The following CCL28 variants were observed in gnomAD, a reference collection of about 807,000 sequenced individuals.
CCL28 encodes the protein C-C motif chemokine ligand 28.
CCL28 carries 4 observed loss-of-function variants against 7.1 expected under a neutral mutation model. The ratio of observed to expected loss-of-function variants is 0.56; its 90% CI spans 0.28 to 1.29. CCL28 has a LOEUF of 1.29. Ranked by LOEUF, CCL28 falls within the 50% of genes most tolerant of loss-of-function variation. The probability of loss-of-function intolerance (pLI) is 0.11; values close to 1 mark genes in which losing one functional copy is unlikely to be tolerated. For missense variants in CCL28, 151 were observed against 163.4 expected (o/e 0.92, Z 0.41); for synonymous variants, 55 against 57.8 (o/e 0.95, Z 0.22).
chr5:43,398,446 AT>A lies in CCL28; in HGVS notation c.65-9971del, dbSNP rs1296429702. Among the ~76,000 whole-genome samples, 3 of 152,136 alleles carry A rather than the reference AT, an allele frequency of 2.0e-5. No individual in the cohort carries two copies. In the South Asian group the frequency reaches 6.2e-4, roughly 32 times the overall value. ...CACTTTGTGCCCAGGCAGAGCAGAC[AT>A]TTTTCTAACATTGTCTCATTGGACC... is the stretch of plus-strand genomic sequence containing the variant. On this transcript the variant is annotated intron_variant, in intron 1 of 2. Transcript: ENST00000361115.
At chr5:43,393,711 T>C (rs1384259146) in intron 1 of CCL28, among the ~76,000 whole-genome samples, 1 of 152,126 alleles carries the variant, frequency 6.6e-6, no homozygotes, top group Admixed American at 6.6e-5. Context: ...TCTTAATCTT[T>C]ACTTTTGGAT....
the CCL28 span, among the ~76,000 whole-genome samples, chr5:43,359,160 C>T: frequency 6.6e-6 from 1 of 152,094 alleles, no homozygotes; most frequent in Non-Finnish European, 1.5e-5. Context: ...GTTGTGGAGA[C>T]CCTAACCCAG....
chr5:43,372,967 A>G (rs1327959442), downstream of CCL28, among the ~76,000 whole-genome samples: 2 of 149,578 alleles, frequency 1.3e-5, no homozygotes, highest in African/African-American at 4.9e-5. Flanking sequence ...CGCCCGGCTA[A>G]TTTTTGTATT....
At position 43,412,228 on chromosome 5, in the gene CCL28, C is replaced by T. The variant is rs375809323; in HGVS notation, c.64+25G>A. ...AGATACCCCCCTTTCCAGTGAAGGC[C>T]TAAGTGTCCAGTGCCCCCACTCACC... On this transcript the variant is annotated intron_variant, in intron 1 of 2. Coordinates refer to ENST00000361115, the MANE Select transcript of CCL28 (RefSeq NM_148672.3). 3 of 1,598,886 alleles carry T rather than the reference C, an allele frequency of 1.9e-6. No homozygotes were observed. The African/African-American group carries it at 4.0e-5, about 21-fold the overall frequency.
At chr5:43,407,922 A>C (rs1054772817) in intron 1 of CCL28, among the ~76,000 whole-genome samples, 1 of 152,242 alleles carries the variant, frequency 6.6e-6, no homozygotes, top group Non-Finnish European at 1.5e-5. Context: ...GAGAAATGCA[A>C]ATCAAAACCA....
chr5:43,402,351 A>G (rs1409635621), intron 1 of CCL28, among the ~76,000 whole-genome samples: 1 of 152,202 alleles, frequency 6.6e-6, no homozygotes, highest in East Asian at 1.9e-4. Context: ...AATATTAATA[A>G]TAAATGAATA....
intron 1 of CCL28, among the ~76,000 whole-genome samples, chr5:43,399,835 G>A (rs1368276692): frequency 6.6e-6 from 1 of 150,930 alleles, no homozygotes; most frequent in Non-Finnish European, 1.5e-5. Flanking sequence ...TCTTATTATG[G>A]TGTTATTTCT....
Position 43,379,379 on chromosome 5 carries a change from ATTATATT to A in CCL28, c.*2474_*2480del, listed in dbSNP as rs1346958606. The A allele has an allele frequency of 6.6e-6, 1 of 152,150 alleles. No homozygotes were observed. Among genetic ancestry groups the A allele is most frequent in the African/African-American group, 2.4e-5 (1 of 41,440 alleles). 9.4% of individuals were successfully genotyped at this position (152,150 alleles called of 1,614,324 possible). On this transcript the variant is annotated 3_prime_UTR_variant, in exon 3 of 3. Transcript: ENST00000361115. ...TATTAATATTTTAAGTTACTCTCAT[ATTATATT>A]TTATTAATTTTTTCTTATTTAAAAA...
At chr5:43,405,013 C>A (rs1320875328) in intron 1 of CCL28, among the ~76,000 whole-genome samples, 3 of 152,082 alleles carry the variant, frequency 2.0e-5, no homozygotes, top group Non-Finnish European at 4.4e-5. Flanking sequence ...ATAAAGCAAG[C>A]TCTTAGAGAC....
rs1561154047 is a variant in CCL28, at chr5:43,381,700, T to C, written c.*160A>G. Reference sequence around the variant, plus strand: ...TTTCATTTTCCAGTTGAGTATATTATTGGCTACATTTGCATACCGCACAAT... The same window carrying C: ...TTTCATTTTCCAGTTGAGTATATTACTGGCTACATTTGCATACCGCACAAT... On this transcript the variant is annotated 3_prime_UTR_variant, in exon 3 of 3. Coordinates refer to ENST00000361115, the MANE Select transcript of CCL28 (RefSeq NM_148672.3). 1.6e-6 allele frequency: 1 copy of C among 622,502 alleles called. No homozygotes were observed. The highest frequency in any genetic ancestry group is 2.8e-6 in the Non-Finnish European group (1 of 351,806). The allele number at this position is 622,502 out of a possible 1,614,324, so 38.6% of individuals were successfully genotyped here. A position where few individuals can be genotyped will look rare whatever the true frequency, so the allele number is the denominator to read the frequency against.
chr5:43,400,541 T>C (rs954576224), intron 1 of CCL28, among the ~76,000 whole-genome samples: 7 of 152,030 alleles, frequency 4.6e-5, no homozygotes, highest in Admixed American at 4.6e-4. Flanking sequence ...CAGCTTCCTC[T>C]TACTTGGATG....
chr5:43,389,846 C>T (rs927052169), intron 1 of CCL28, among the ~76,000 whole-genome samples: 2 of 152,060 alleles, frequency 1.3e-5, no homozygotes, highest in African/African-American at 4.8e-5. Flanking sequence ...ATATAAGAGG[C>T]CAGGAAACAA....
In CCL28 at chr5:43,379,508, G is replaced by A. The variant is rs769995852; in HGVS notation, c.*2352C>T. ...TATAAAGTGGAAATATAAATACAAAGCTTGCAGAAATGTCAGGAAAATAAA... is the reference window on the plus strand; with the variant it reads ...TATAAAGTGGAAATATAAATACAAAACTTGCAGAAATGTCAGGAAAATAAA... On this transcript the variant is annotated 3_prime_UTR_variant, in exon 3 of 3. Transcript: ENST00000361115. 1 of 152,096 alleles carries A rather than the reference G, an allele frequency of 6.6e-6. No individual in the cohort carries two copies. The highest frequency in any genetic ancestry group is 1.5e-5 in the Non-Finnish European group (1 of 68,028). 9.4% of individuals were successfully genotyped at this position (152,096 alleles called of 1,614,324 possible). A position where few individuals can be genotyped will look rare whatever the true frequency, so the allele number is the denominator to read the frequency against.
At chr5:43,389,543 A>G (rs1740484097) in intron 1 of CCL28, among the ~76,000 whole-genome samples, 1 of 152,228 alleles carries the variant, frequency 6.6e-6, no homozygotes, top group Admixed American at 6.5e-5. Context: ...AATAGGAAAC[A>G]TACTTTCAGA....
the CCL28 span, among the ~76,000 whole-genome samples, chr5:43,358,327 A>G: frequency 1.3e-5 from 2 of 152,238 alleles, no homozygotes; most frequent in Non-Finnish European, 2.9e-5. Flanking sequence ...AATTGGCTTT[A>G]TAGACAGAAA....
At chr5:43,404,770 CAA>C (rs1741194780) in intron 1 of CCL28, among the ~76,000 whole-genome samples, 1 of 152,108 alleles carries the variant, frequency 6.6e-6, no homozygotes, top group African/African-American at 2.4e-5. Context: ...AGACCCATCT[CAA>C]GTGCAGGGAC....
chr5:43,401,162 T>C (rs547397618), intron 1 of CCL28, among the ~76,000 whole-genome samples: 3 of 152,250 alleles, frequency 2.0e-5, no homozygotes, highest in African/African-American at 7.2e-5. Context: ...TCCATTCTTG[T>C]GGACCTCACA....
the CCL28 span, among the ~76,000 whole-genome samples, chr5:43,360,141 G>A: frequency 6.6e-6 from 1 of 151,946 alleles, no homozygotes; most frequent in African/African-American, 2.4e-5. Context: ...GAACCCTTTG[G>A]GCAATTACAC....
chr5:43,388,852 A>G (rs977815519), intron 1 of CCL28, among the ~76,000 whole-genome samples: 24 of 152,228 alleles, frequency 1.6e-4, no homozygotes, highest in Non-Finnish European at 3.5e-4. Context: ...CCATTCTGTG[A>G]CAGGCCCTGA....
Sources: allele counts gnomAD v4.1 joint callset (sites outside exome capture counted in the v4.1 genomes callset), GRCh38; gene constraint gnomAD v4.1.1; transcripts MANE v1.5; gene names NCBI Gene and HGNC (gene_info 2026-07-23, HGNC 2026-07-21).